Variants in TARBP1 observed in about 807,000 individuals in gnomAD.
The protein encoded by TARBP1 is tRNA (guanosine(18)-2'-O)-methyltransferase TARBP1.
Under a neutral mutation model 178.6 loss-of-function variants are expected in TARBP1, and 144 were observed. That is an observed-to-expected ratio of 0.81 (90% CI 0.70 to 0.93). The LOEUF is 0.93. Among genes scored for constraint, TARBP1 ranks in the 40% least tolerant of loss-of-function variants. The probability of loss-of-function intolerance (pLI) is 0.00; values close to 1 mark genes in which losing one functional copy is unlikely to be tolerated. For synonymous variants in TARBP1, 787 were observed against 781.0 expected, an observed-to-expected ratio of 1.01 and a Z score of -0.13; for missense variants, 2,067 against 2,011.7, an observed-to-expected ratio of 1.03 and a Z score of -0.53.
chr1:234,427,890 G>GT (rs1663965329), intron 17 of TARBP1, 124 bp from the exon 18 acceptor site: 5 of 535,146 alleles, frequency 9.3e-6, no homozygotes, highest in Admixed American at 4.2e-5. Flanking sequence ...ATTCATTACT[G>GT]TTAGAATAAC....
intron 4 of TARBP1, among the ~76,000 whole-genome samples, chr1:234,466,380 C>T (rs955530024): frequency 2.0e-5 from 3 of 151,932 alleles, no homozygotes; most frequent in Non-Finnish European, 4.4e-5. Context: ...GGCATGGTGG[C>T]GTGCACCTGT....
chr1:234,426,663 G>A (rs553616713), intron 19 of TARBP1, among the ~76,000 whole-genome samples: 15 of 151,728 alleles, frequency 9.9e-5, no homozygotes, highest in South Asian at 4.2e-4. Context: ...ATAAACACAC[G>A]TACACATTTT....
At chr1:234,420,541 T>C (rs769681852) in intron 21 of TARBP1, among the ~76,000 whole-genome samples, 161 bp downstream of exon 21, 1 of 152,252 alleles carries the variant, frequency 6.6e-6, no homozygotes, top group Non-Finnish European at 1.5e-5. Context: ...GTATTCTCTC[T>C]GTTAATAAAA....
intron 29 of TARBP1, among the ~76,000 whole-genome samples, 156 bp downstream of exon 29, chr1:234,392,260 A>G (rs3754317): frequency 0.59 from 89,600 of 151,576 alleles, 27,445 homozygotes; most frequent in African/African-American, 0.75. Flanking sequence ...TGCTTGAGCC[A>G]ATGAGGCAGA....
At chr1:234,411,053 G>A (rs184654025) in intron 22 of TARBP1, among the ~76,000 whole-genome samples, 202 of 152,278 alleles carry the variant, frequency 1.3e-3, no homozygotes, top group Admixed American at 2.5e-3. Context: ...ATGGGCAACA[G>A]AGCAAGACCC....
intron 1 of TARBP1, among the ~76,000 whole-genome samples, chr1:234,475,102 C>G (rs186667795): frequency 4.6e-5 from 7 of 152,322 alleles, no homozygotes; most frequent in African/African-American, 1.7e-4. Flanking sequence ...CATCCATTCA[C>G]CAGCTCTTTT....
chr1:234,429,275 C>T lies in TARBP1; in HGVS notation c.2921G>A (p.Trp974Ter), dbSNP rs556363000. ...SLCIESFDMA[W>*]KIISSLSNTQ... Reference sequence around the variant, plus strand: ...GTTGCTTAAAGAAGATATAATTTTCCACGCCATGTCAAAAGACTCTATGCA... The same window carrying T: ...GTTGCTTAAAGAAGATATAATTTTCTACGCCATGTCAAAAGACTCTATGCA... The change falls in exon 17 of 30, where the codon TGG becomes TAG. Residue 974 changes from tryptophan to a stop codon, truncating the protein, a stop_gained. Transcript: ENST00000040877. LOFTEE classifies it high-confidence loss of function. The T allele has an allele frequency of 1.2e-6, 2 of 1,600,706 alleles. No individual in the cohort carries two copies. The highest frequency in any genetic ancestry group is 1.1e-5 in the South Asian group (1 of 87,456).
At chr1:234,446,689 T>G in intron 12 of TARBP1, 114 bp downstream of exon 12, 2 of 372,696 alleles carry the variant, frequency 5.4e-6, no homozygotes, top group Non-Finnish European at 7.7e-6. Flanking sequence ...ATATAATTTC[T>G]AAATTATATA....
intron 22 of TARBP1, among the ~76,000 whole-genome samples, chr1:234,414,550 T>G (rs1012894563): frequency 6.6e-6 from 1 of 152,170 alleles, no homozygotes; most frequent in Non-Finnish European, 1.5e-5. Context: ...GTCAGCAGCA[T>G]GCATGTGGCT....
intron 26 of TARBP1, among the ~76,000 whole-genome samples, chr1:234,396,952 G>A (rs1659999042): frequency 6.6e-6 from 1 of 151,636 alleles, no homozygotes; most frequent in South Asian, 2.1e-4. Flanking sequence ...CAAACATGTG[G>A]CACAGAATGG....
rs546214936 is a variant in TARBP1 at position 234,418,690 on chromosome 1, G to A, written c.3556-457C>T. ...GCCACTGAGCCCTCTGTTCAGGCTC[G>A]TCGTCCTCCTGCCCTCATGGTCTGT... On this transcript the variant is annotated intron_variant, in intron 21 of 29. Transcript: ENST00000040877. Among the ~76,000 whole-genome samples the A allele has an allele frequency of 6.6e-5, 10 of 152,276 alleles. No individual in the cohort carries two copies. The South Asian group carries it at 1.9e-3, about 28-fold the overall frequency.
intron 24 of TARBP1, 71 bp downstream of exon 24, chr1:234,405,831 TG>T: frequency 7.1e-7 from 1 of 1,408,944 alleles, no homozygotes; most frequent in Non-Finnish European, 9.8e-7. Flanking sequence ...TGACACAGTA[TG>T]GGCACTGCCC....
intron 11 of TARBP1, among the ~76,000 whole-genome samples, chr1:234,447,911 T>C (rs2103211359): frequency 6.6e-6 from 1 of 152,306 alleles, no homozygotes; most frequent in South Asian, 2.1e-4. Context: ...CCAGTGACTA[T>C]TGTATATGGT....
chr1:234,396,710 C>G (rs1037028577), intron 26 of TARBP1, among the ~76,000 whole-genome samples: 1 of 152,066 alleles, frequency 6.6e-6, no homozygotes, highest in African/African-American at 2.4e-5. Context: ...CCAGAACTCT[C>G]CTCCAGAGAT....
chr1:234,430,729 T>C (rs1414795845), intron 14 of TARBP1, among the ~76,000 whole-genome samples: 2 of 150,486 alleles, frequency 1.3e-5, no homozygotes, highest in Non-Finnish European at 3.0e-5. Context: ...AAAAAAAAAA[T>C]AAAAGGCTCC....
In TARBP1 at chr1:234,478,579, G is replaced by C. The variant is rs951139432; in HGVS notation, c.525C>G (p.Gly175=). ...CAGGCCCGGCCTCATCCCCGTCCCC[G>C]CCCCCGCCCAGCGCCAGGGCGACGG... The part of the protein sequence containing the change: ...GTAVALALGG[G]GDGDEAGPAE... Residue 175 remains glycine (G), a synonymous_variant, in exon 1 of 30, where the codon GGC becomes GGG. Coordinates refer to ENST00000040877, the MANE Select transcript of TARBP1 (RefSeq NM_005646.4). The C allele has an allele frequency of 7.8e-7, 1 of 1,287,494 alleles. No individual in the cohort carries two copies. Among genetic ancestry groups the C allele is most frequent in the East Asian group, 3.4e-5 (1 of 29,402 alleles). 79.8% of individuals were successfully genotyped at this position (1,287,494 alleles called of 1,614,324 possible). A position where few individuals can be genotyped will look rare whatever the true frequency, so the allele number is the denominator to read the frequency against.
intron 13 of TARBP1, among the ~76,000 whole-genome samples, 167 bp downstream of exon 13, chr1:234,437,108 T>C (rs889476222): frequency 2.0e-5 from 3 of 152,200 alleles, no homozygotes; most frequent in Non-Finnish European, 4.4e-5. Context: ...CAGATGGAAT[T>C]GGAACTAGGA....
chr1:234,429,447 A>G lies in TARBP1; in HGVS notation c.2840T>C (p.Val947Ala), dbSNP rs759245934. The G allele has an allele frequency of 1.9e-6, 3 of 1,613,552 alleles. No individual in the cohort carries two copies. The highest frequency in any genetic ancestry group is 1.7e-6 in the Non-Finnish European group (2 of 1,179,816). ...TVLSSDQVLPVFHCLKVLVPK... is the reference protein window; with the variant it reads ...TVLSSDQVLPAFHCLKVLVPK... ...AACCAACACTTTCAAGCAATGGAACACTGGTAAAACTTGATCAGAAGAAAG... is the reference window on the plus strand; with the variant it reads ...AACCAACACTTTCAAGCAATGGAACGCTGGTAAAACTTGATCAGAAGAAAG... Residue 947 changes from valine (V) to alanine (A), a missense_variant, in exon 16 of 30, where the codon GTG (valine) becomes GCG (alanine). Val to Ala is a moderately conservative substitution (Grantham distance 64). Transcript: ENST00000040877.
At chr1:234,475,991 T>C (rs1055648532) in intron 1 of TARBP1, among the ~76,000 whole-genome samples, 3 of 152,142 alleles carry the variant, frequency 2.0e-5, no homozygotes, top group African/African-American at 7.2e-5. Context: ...GGCAGAAATA[T>C]TTACTTCCAT....
Sources: allele counts gnomAD v4.1 joint callset (sites outside exome capture counted in the v4.1 genomes callset), GRCh38; gene constraint gnomAD v4.1.1; transcripts MANE v1.5; gene names NCBI Gene and HGNC (gene_info 2026-07-23, HGNC 2026-07-21).